Variants in ZNF469 observed in about 807,000 individuals in gnomAD.
The protein encoded by ZNF469 is zinc finger protein 469.
A neutral mutation model predicts 1.0 loss-of-function variants in ZNF469; 1 was observed. The ratio of observed to expected loss-of-function variants is 1.00; its 90% CI spans 0.35 to 4.73. The LOEUF (loss-of-function observed/expected upper bound fraction) is 4.73, where lower values mean the gene tolerates loss of function less well. Ranked by LOEUF, ZNF469 falls within the 30% of genes most tolerant of loss-of-function variation. The pLI is 0.16. For synonymous variants in ZNF469, 2,703 were observed against 2,363.4 expected (o/e 1.14, Z -4.17); for missense variants, 6,100 against 5,356.3 (o/e 1.14, Z -4.33).
At chr16:88,203,022 T>C in the ZNF469 span, among the ~76,000 whole-genome samples, 1 of 151,692 alleles carries the variant, frequency 6.6e-6, no homozygotes, top group African/African-American at 2.4e-5. Flanking sequence ...GTCACAACCG[T>C]AGGGAGAGTG....
At chr16:88,406,786 G>C (rs1441484732) in intron 1 of ZNF469, among the ~76,000 whole-genome samples, 3 of 152,162 alleles carry the variant, frequency 2.0e-5, no homozygotes, top group Non-Finnish European at 2.9e-5. Context: ...CAAAGATGGG[G>C]TTGTGCCTCG....
chr16:88,218,213 T>C, the ZNF469 span, among the ~76,000 whole-genome samples: 2 of 148,658 alleles, frequency 1.3e-5, no homozygotes, highest in African/African-American at 2.5e-5. Flanking sequence ...CATTTTTTCA[T>C]GTGTTTTTTG....
chr16:88,120,666 C>T, the ZNF469 span, among the ~76,000 whole-genome samples: 2 of 152,234 alleles, frequency 1.3e-5, no homozygotes, highest in South Asian at 4.1e-4. Flanking sequence ...ACCGCGGCTC[C>T]CGGGCGGGCC....
At chr16:88,203,728 CTG>C in the ZNF469 span, among the ~76,000 whole-genome samples, 45 of 149,876 alleles carry the variant, frequency 3.0e-4, no homozygotes, top group African/African-American at 6.3e-4. Flanking sequence ...GTGTCTGTCC[CTG>C]TGTGTGTGTG....
At chr16:88,189,245 A>G in the ZNF469 span, among the ~76,000 whole-genome samples, 5 of 152,228 alleles carry the variant, frequency 3.3e-5, no homozygotes, top group African/African-American at 7.2e-5. The surrounding 1 kb of genome is among the most constrained non-coding windows in gnomAD (Gnocchi z 4.3). Context: ...GTCTCCAGAT[A>G]GCACCAGAAG....
At chr16:88,384,375 A>G (rs566279598) in intron 1 of ZNF469, among the ~76,000 whole-genome samples, 14 of 152,314 alleles carry the variant, frequency 9.2e-5, no homozygotes, top group African/African-American at 3.1e-4. Context: ...AGCACAGCCC[A>G]CAGCCCTGCA....
chr16:88,128,746 G>A, the ZNF469 span, among the ~76,000 whole-genome samples: 1 of 152,210 alleles, frequency 6.6e-6, no homozygotes, highest in Non-Finnish European at 1.5e-5. Flanking sequence ...CAAGAGCTGG[G>A]GCCCTCCCAG....
the ZNF469 span, chr16:88,191,340 C>A: frequency 6.6e-6 from 1 of 152,258 alleles, no homozygotes; most frequent in East Asian, 1.9e-4. Flanking sequence ...GCGTACAGAG[C>A]AGACAGCACC....
chr16:88,335,343 C>G, the ZNF469 span, among the ~76,000 whole-genome samples: 1 of 152,246 alleles, frequency 6.6e-6, no homozygotes. Context: ...GCTGGATGCA[C>G]TTCCGCTCCA....
chr16:88,114,945 C>A, the ZNF469 span, among the ~76,000 whole-genome samples: 4 of 117,690 alleles, frequency 3.4e-5, no homozygotes, highest in Non-Finnish European at 8.3e-5. Context: ...TTTCAGCCGC[C>A]TTTCTCTTGC....
At chr16:88,202,759 A>T in the ZNF469 span, among the ~76,000 whole-genome samples, 1 of 152,026 alleles carries the variant, frequency 6.6e-6, no homozygotes, top group Non-Finnish European at 1.5e-5. Context: ...GCATCTCTCG[A>T]GTCTGCTCTG....
the ZNF469 span, among the ~76,000 whole-genome samples, chr16:88,352,290 G>T: frequency 1.3e-5 from 2 of 152,208 alleles, no homozygotes; most frequent in African/African-American, 4.8e-5. Flanking sequence ...AATTTTAGGA[G>T]TATGTATTTT....
In ZNF469 at chr16:88,430,942, C is replaced by T. The variant is rs184894059; in HGVS notation, c.3472C>T (p.Pro1158Ser). The change falls in exon 3 of 3, where the codon CCG (proline) becomes TCG (serine). Residue 1158 changes from proline (P) to serine (S), a missense_variant. Physicochemically the swap from Pro to Ser is moderately conservative, Grantham distance 74. Coordinates refer to ENST00000565624, the MANE Select transcript of ZNF469 (RefSeq NM_001367624.2). ...GDGAPANPEE[P>S]GGSRPGPGRS... Reference sequence around the variant, plus strand: ...CGGAGCCCCCGCGAACCCCGAGGAGCCGGGCGGGTCTCGCCCGGGCCCCGG... The same window carrying T: ...CGGAGCCCCCGCGAACCCCGAGGAGTCGGGCGGGTCTCGCCCGGGCCCCGG... 4.8e-4 allele frequency: 732 copies of T among 1,535,624 alleles called. 3 individuals carry two copies. The African/African-American group carries it at 8.6e-3, about 18-fold the overall frequency.
At chr16:88,248,692 T>C in the ZNF469 span, among the ~76,000 whole-genome samples, 1 of 152,192 alleles carries the variant, frequency 6.6e-6, no homozygotes, top group African/African-American at 2.4e-5. Flanking sequence ...TCATGGAACT[T>C]TGGAGTTAGA....
chr16:88,331,516 C>CA, the ZNF469 span, among the ~76,000 whole-genome samples: 1 of 132,354 alleles, frequency 7.6e-6, no homozygotes, highest in Non-Finnish European at 1.7e-5. Context: ...CCACCATCAT[C>CA]CTCATCACTA....
the ZNF469 span, among the ~76,000 whole-genome samples, chr16:88,143,078 G>T: frequency 6.6e-6 from 1 of 152,150 alleles, no homozygotes; most frequent in Non-Finnish European, 1.5e-5. Context: ...GGGGCCCCAG[G>T]CACTTCACCG....
In ZNF469 at chr16:88,438,983, C is replaced by T. The variant is rs953595228; in HGVS notation, c.11513C>T (p.Pro3838Leu). ...AGTGTGGGGAGCTTCGGGAGAGCCC[C>T]CTCAGCCCCTGACAAGCCCCCCCGG... The part of the protein sequence containing the change: ...SESVGSFGRA[P>L]SAPDKPPRTP... The change falls in exon 3 of 3, where the codon CCC becomes CTC. Residue 3838 changes from proline to leucine, a missense_variant. Physicochemically the swap from Pro to Leu is moderately conservative, Grantham distance 98. Coordinates refer to ENST00000565624, the MANE Select transcript of ZNF469 (RefSeq NM_001367624.2). 1.7e-5 allele frequency: 26 copies of T among 1,550,286 alleles called. No individual in the cohort carries two copies. Among genetic ancestry groups the T allele is most frequent in the Non-Finnish European group, 2.2e-5 (25 of 1,146,964 alleles).
At chr16:88,210,462 A>G in the ZNF469 span, among the ~76,000 whole-genome samples, 1 of 152,180 alleles carries the variant, frequency 6.6e-6, no homozygotes, top group African/African-American at 2.4e-5. Flanking sequence ...CTGTTTTTAT[A>G]CCGTCAAATA....
At chr16:88,194,326 A>G in the ZNF469 span, 1 of 152,126 alleles carries the variant, frequency 6.6e-6, no homozygotes, top group Non-Finnish European at 1.5e-5. Context: ...TGTTTTAGAG[A>G]AGGGGGTTCA....
Sources: allele counts gnomAD v4.1 joint callset (sites outside exome capture counted in the v4.1 genomes callset), GRCh38; gene constraint gnomAD v4.1.1; non-coding constraint Gnocchi (gnomAD v3.1); transcripts MANE v1.5; gene names NCBI Gene and HGNC (gene_info 2026-07-23, HGNC 2026-07-21).